Variants in CCDC57 observed in about 807,000 individuals in gnomAD.
The protein encoded by CCDC57 is coiled-coil domain-containing protein 57.
A neutral mutation model predicts 118.9 loss-of-function variants in CCDC57; 118 were observed. That is an observed-to-expected ratio of 0.99 (90% CI 0.86 to 1.16). CCDC57 has a LOEUF of 1.16. CCDC57 is among the 50% of genes most tolerant of loss of function. The probability of loss-of-function intolerance (pLI) is 0.00; values close to 1 mark genes in which losing one functional copy is unlikely to be tolerated. For synonymous variants in CCDC57, 527 were observed against 532.9 expected (o/e 0.99, Z 0.15); for missense variants, 1,300 against 1,320.7 (o/e 0.98, Z 0.24).
At chr17:82,135,705 A>G (rs1172258706) in intron 16 of CCDC57, among the ~76,000 whole-genome samples, 5 of 152,144 alleles carry the variant, frequency 3.3e-5, no homozygotes, top group Non-Finnish European at 7.4e-5. Flanking sequence ...CACCAGGAGA[A>G]TGTAAAATCA....
chr17:82,164,440 A>G (rs116821934), intron 13 of CCDC57, among the ~76,000 whole-genome samples: 219 of 152,286 alleles, frequency 1.4e-3, no homozygotes, highest in African/African-American at 4.8e-3. Context: ...AAGAAAAGAT[A>G]ACGTTAGTAT....
At chr17:82,191,629 A>G (rs1168559509) in intron 7 of CCDC57, among the ~76,000 whole-genome samples, 1 of 152,132 alleles carries the variant, frequency 6.6e-6, no homozygotes, top group Non-Finnish European at 1.5e-5. Flanking sequence ...GAAGAGCTAT[A>G]AGATGATCTG....
intron 2 of CCDC57, among the ~76,000 whole-genome samples, chr17:82,202,999 A>G (rs1299536558): frequency 2.6e-5 from 4 of 152,054 alleles, no homozygotes; most frequent in Non-Finnish European, 5.9e-5. Context: ...TCACCACCTG[A>G]TATGGTTTCG....
At chr17:82,184,018 C>A (rs1205626093) in intron 8 of CCDC57, 86 bp from the exon 8 acceptor site, 2 of 232,090 alleles carry the variant, frequency 8.6e-6, no homozygotes, top group South Asian at 4.2e-5. Context: ...AATACACATG[C>A]GCGCGCGCGC....
chr17:82,201,108 AC>A (rs1237390309), intron 3 of CCDC57, among the ~76,000 whole-genome samples: 2 of 152,194 alleles, frequency 1.3e-5, no homozygotes, highest in Non-Finnish European at 2.9e-5. Flanking sequence ...CAGGGGCCCC[AC>A]CACAGGCCCC....
At chr17:82,149,503 C>T (rs900183132) in intron 16 of CCDC57, among the ~76,000 whole-genome samples, 1 of 152,114 alleles carries the variant, frequency 6.6e-6, no homozygotes, top group Non-Finnish European at 1.5e-5. Flanking sequence ...CTTCGCTGCT[C>T]ACCACAGAGC....
exon 19 of CCDC57, chr17:82,127,842 G>T (rs766777108): frequency 6.2e-7 from 1 of 1,611,004 alleles, no homozygotes; most frequent in East Asian, 2.2e-5. Flanking sequence ...GCCTGGGGTG[G>T]CTTTGGGGAC....
At chr17:82,198,394 G>A (rs554126036) in exon 4 of CCDC57, 15 of 1,612,550 alleles carry the variant, frequency 9.3e-6, no homozygotes, top group African/African-American at 5.3e-5. Context: ...TACTGTTCCC[G>A]GTGGTGGTCA....
intron 15 of CCDC57, 119 bp from the exon 15 acceptor site, chr17:82,151,892 A>C: frequency 1.3e-6 from 1 of 790,186 alleles, no homozygotes. Context: ...GCTGGCTGTC[A>C]CTGGGTGACA....
intron 2 of CCDC57, among the ~76,000 whole-genome samples, chr17:82,205,371 C>T (rs9303020): frequency 0.76 from 114,882 of 152,138 alleles, 44,141 homozygotes; most frequent in East Asian, 0.93. Flanking sequence ...TGGGGGTTGC[C>T]GTTCTGAGAA....
At chr17:82,114,308 G>C (rs1420410009) in intron 19 of CCDC57, among the ~76,000 whole-genome samples, 1 of 152,198 alleles carries the variant, frequency 6.6e-6, no homozygotes, top group Non-Finnish European at 1.5e-5. Flanking sequence ...GCGGAGGTGG[G>C]GGCCAGAGGC....
intron 14 of CCDC57, chr17:82,160,184 T>A (rs1407420028): frequency 6.6e-6 from 1 of 152,246 alleles, no homozygotes; most frequent in Non-Finnish European, 1.5e-5. Flanking sequence ...AGTTCCCTTG[T>A]TATGTCGCCT....
chr17:82,210,065 C>T (rs1252972703), intron 1 of CCDC57, among the ~76,000 whole-genome samples: 1 of 151,824 alleles, frequency 6.6e-6, no homozygotes, highest in Admixed American at 6.6e-5. Context: ...GAAAATGCTC[C>T]CAGAAGGTTG....
chr17:82,113,685 C>T (rs1261171916), intron 19 of CCDC57: 6 of 715,890 alleles, frequency 8.4e-6, no homozygotes, highest in Admixed American at 6.0e-5. Context: ...GTCATCTCAG[C>T]ACTTTGGGAG....
At chr17:82,183,217 T>C (rs1378849437) in intron 9 of CCDC57, among the ~76,000 whole-genome samples, 1 of 152,236 alleles carries the variant, frequency 6.6e-6, no homozygotes, top group Non-Finnish European at 1.5e-5. Context: ...GCATATGTAT[T>C]CTGTAATAAA....
intron 1 of CCDC57, among the ~76,000 whole-genome samples, chr17:82,210,062 C>T (rs2050060119): frequency 6.6e-6 from 1 of 151,970 alleles, no homozygotes; most frequent in African/African-American, 2.4e-5. Context: ...AAAGAAAATG[C>T]TCCCAGAAGG....
rs138083780 is a variant in CCDC57, at chr17:82,168,347, C to T, written c.1882+3354G>A. ...CAGTGGCTCACGCCTGTAATTCCAG[C>T]ACTTTGGGAGGCCAGCGCAAGTGGA... On this transcript the variant is annotated intron_variant, in intron 13 of 19. Coordinates refer to ENST00000665763, the Ensembl canonical transcript of CCDC57. 5.1e-3 allele frequency among the ~76,000 whole-genome samples: 783 copies of T among 152,298 alleles called. 5 individuals are homozygous for T. Among genetic ancestry groups the T allele is most frequent in the Non-Finnish European group, 7.8e-3 (534 of 68,028 alleles).
At chr17:82,130,489 C>G (rs540300241) in intron 17 of CCDC57, among the ~76,000 whole-genome samples, 2 of 146,642 alleles carry the variant, frequency 1.4e-5, no homozygotes, top group South Asian at 4.4e-4. Flanking sequence ...GCCACCACAC[C>G]CAGACAAAAC....
Position 82,134,455 on chromosome 17 carries a change from C to T in CCDC57, c.2456-261G>A, listed in dbSNP as rs369505075. On this transcript the variant is annotated intron_variant, in intron 16 of 19. Coordinates refer to ENST00000665763, the Ensembl canonical transcript of CCDC57. ...ACAGCGGGGGCAGCAAGCACATTCG[C>T]TAACAGAAGCACCCAGACGCCCTTT... 655 of 334,682 alleles carry T rather than the reference C, an allele frequency of 2.0e-3. 2 individuals carry two copies. Among genetic ancestry groups the T allele is most frequent in the Non-Finnish European group, 3.0e-3 (565 of 186,436 alleles). 20.7% of individuals were successfully genotyped at this position (334,682 alleles called of 1,614,324 possible). A position where few individuals can be genotyped will look rare whatever the true frequency, so the allele number is the denominator to read the frequency against.
Sources: allele counts gnomAD v4.1 joint callset (sites outside exome capture counted in the v4.1 genomes callset), GRCh38; gene constraint gnomAD v4.1.1; transcripts MANE v1.5; gene names NCBI Gene and HGNC (gene_info 2026-07-23, HGNC 2026-07-21).